The following UNC13B variants were observed in gnomAD, a reference collection of about 807,000 sequenced individuals.
UNC13B encodes protein unc-13 homolog B.
A neutral mutation model predicts 211.0 loss-of-function variants in UNC13B; 144 were observed. The observed-to-expected ratio is 0.68, with a 90% CI of 0.60 to 0.78. The LOEUF is 0.78. Among genes scored for constraint, UNC13B ranks in the 30% least tolerant of loss-of-function variants. UNC13B has a pLI of 0.00. For synonymous variants in UNC13B, 709 were observed against 725.8 expected (o/e 0.98, Z 0.37); for missense variants, 1,777 against 2,002.0 (o/e 0.89, Z 2.14).
At chr9:35,284,649 A>C (rs1828691186) in intron 7 of UNC13B, among the ~76,000 whole-genome samples, 1 of 152,136 alleles carries the variant, frequency 6.6e-6, no homozygotes, top group Non-Finnish European at 1.5e-5. Context: ...GTTTTCCTTA[A>C]TTATAGGTTC....
intron 1 of UNC13B, among the ~76,000 whole-genome samples, chr9:35,222,482 G>A (rs983191652): frequency 8.5e-5 from 13 of 152,098 alleles, no homozygotes; most frequent in African/African-American, 1.4e-4. Context: ...GCACATGTGC[G>A]CATGGGAGTC....
At chr9:35,205,630 T>A (rs768207614) in intron 1 of UNC13B, among the ~76,000 whole-genome samples, 6 of 152,236 alleles carry the variant, frequency 3.9e-5, no homozygotes, top group Non-Finnish European at 7.3e-5. Context: ...GGACATTTTA[T>A]GTGAATGGAA....
intron 15 of UNC13B, among the ~76,000 whole-genome samples, chr9:35,376,634 C>T (rs72725035): frequency 0.071 from 10,757 of 152,194 alleles, 562 homozygotes; most frequent in Non-Finnish European, 0.11. Context: ...GGGTTCCAGG[C>T]CCCACAGAGG....
intron 1 of UNC13B, among the ~76,000 whole-genome samples, chr9:35,204,650 G>C (rs1823537789): frequency 6.6e-6 from 1 of 152,148 alleles, no homozygotes; most frequent in Non-Finnish European, 1.5e-5. Flanking sequence ...GACTTGCGTG[G>C]GGCCTATGAC....
rs1160474466 is a variant in UNC13B, at chr9:35,257,580, C to CAAAAAAAAAAA, written c.469-1393_469-1383dup. On this transcript the variant is annotated intron_variant, in intron 6 of 39. Transcript: ENST00000635942. ...TGGGAGAAAGAGTGAGAATCTGTAT[C>CAAAAAAAAAAA]AAAAAAAAAAAAAAAAAAAAAAAAA... Among the ~76,000 whole-genome samples the CAAAAAAAAAAA allele has an allele frequency of 9.3e-4, 34 of 36,390 alleles. 2 individuals are homozygous for CAAAAAAAAAAA. Among genetic ancestry groups the CAAAAAAAAAAA allele is most frequent in the African/African-American group, 5.2e-3 (33 of 6,352 alleles). 23.9% of individuals were successfully genotyped at this position (36,390 alleles called of 152,430 possible). A position where few individuals can be genotyped will look rare whatever the true frequency, so the allele number is the denominator to read the frequency against.
At chr9:35,386,108 A>C in intron 23 of UNC13B, 57 bp from the exon 24 acceptor site, 5 of 1,610,004 alleles carry the variant, frequency 3.1e-6, no homozygotes, top group Non-Finnish European at 4.2e-6. Context: ...GTGCTAGGAG[A>C]ATATCCCACC....
chr9:35,190,604 T>A (rs1822603716), intron 1 of UNC13B, among the ~76,000 whole-genome samples: 1 of 151,212 alleles, frequency 6.6e-6, no homozygotes, highest in Non-Finnish European at 1.5e-5. Flanking sequence ...TCCCAAGGAG[T>A]CCCCGGCTAC....
At chr9:35,380,736 C>A in intron 18 of UNC13B, 97 bp downstream of exon 18, 1 of 1,499,012 alleles carries the variant, frequency 6.7e-7, no homozygotes, top group African/African-American at 1.4e-5. Context: ...GTCCCCAAAG[C>A]ATACCTCTAT....
intron 2 of UNC13B, among the ~76,000 whole-genome samples, chr9:35,228,506 G>A (rs1036341361): frequency 4.0e-5 from 6 of 151,858 alleles, no homozygotes; most frequent in African/African-American, 1.2e-4. Flanking sequence ...CCCACGACAG[G>A]CCCCAGTGTG....
At chr9:35,281,718 G>A (rs1041747800) in intron 7 of UNC13B, among the ~76,000 whole-genome samples, 3 of 152,122 alleles carry the variant, frequency 2.0e-5, no homozygotes, top group African/African-American at 4.8e-5. Context: ...GAATAGTTAC[G>A]CTGCCCTAAA....
At chr9:35,401,902 T>C in intron 37 of UNC13B, 1 of 1,526,194 alleles carries the variant, frequency 6.6e-7, no homozygotes. Context: ...GATTCTTCTT[T>C]CTCTGTTCTG....
chr9:35,295,728 C>G lies in UNC13B; in HGVS notation c.559C>G (p.Arg187Gly), dbSNP rs754109626. 4.6e-5 allele frequency: 74 copies of G among 1,613,958 alleles called. No homozygotes were observed. The East Asian group carries it at 1.4e-3, about 32-fold the overall frequency. Residue 187 changes from arginine (R) to glycine (G), a missense_variant, in exon 8 of 40, where the codon CGA (arginine) becomes GGA (glycine). Transcript: ENST00000635942. ...AGACCCTGATAGTGCCGTCGATGAC[C>G]GAGATAGTGACTATCGCAGTGAGAC... ...FEDPDSAVDD[R>G]DSDYRSETSN...
intron 12 of UNC13B, among the ~76,000 whole-genome samples, chr9:35,369,529 T>A (rs1221218032): frequency 6.6e-6 from 1 of 152,212 alleles, no homozygotes. Flanking sequence ...AAAAGAACAA[T>A]AAAATTAATC....
chr9:35,338,455 T>G (rs946615013), intron 11 of UNC13B, among the ~76,000 whole-genome samples: 2 of 152,214 alleles, frequency 1.3e-5, no homozygotes, highest in African/African-American at 4.8e-5. Flanking sequence ...TAGGATGGCA[T>G]GCTCCTCAGG....
At chr9:35,184,226 C>T (rs570830196) in intron 1 of UNC13B, among the ~76,000 whole-genome samples, 98 of 151,608 alleles carry the variant, frequency 6.5e-4, no homozygotes, top group Admixed American at 1.2e-3. Flanking sequence ...ACTTCCCAGA[C>T]GGGGCGGCTG....
rs371128685 is a variant in UNC13B, at chr9:35,398,892, C to T, written c.11932C>T (p.Arg3978Trp). 19 of 1,613,548 alleles carry T rather than the reference C, an allele frequency of 1.2e-5. No individual in the cohort carries two copies. The highest frequency in any genetic ancestry group is 4.4e-5 in the South Asian group (4 of 91,000). Residue 3978 changes from arginine (R) to tryptophan (W), a missense_variant, in exon 33 of 40, where the codon CGG becomes TGG. Coordinates refer to ENST00000635942, the MANE Select transcript of UNC13B (RefSeq NM_001371189.2). ...SMVFGNSFQV[R>W]IDECVRQMAD... ...CGGGCACATGTGTAGTTTCCAGGTA[C>T]GGATTGATGAGTGTGTTCGACAAAT...
At chr9:35,212,565 T>A (rs543545758) in intron 1 of UNC13B, among the ~76,000 whole-genome samples, 22 of 152,214 alleles carry the variant, frequency 1.4e-4, no homozygotes, top group Admixed American at 8.5e-4. Flanking sequence ...AGAGTGAGAC[T>A]CTGTCTCAAA....
intron 6 of UNC13B, among the ~76,000 whole-genome samples, chr9:35,246,091 C>G (rs1464126544): frequency 6.6e-6 from 1 of 152,174 alleles, no homozygotes; most frequent in African/African-American, 2.4e-5. Flanking sequence ...TTGCATTTCT[C>G]TGATGGCCAG....
intron 15 of UNC13B, among the ~76,000 whole-genome samples, chr9:35,376,472 A>G (rs77166093): frequency 0.029 from 4,469 of 152,272 alleles, 225 homozygotes; most frequent in African/African-American, 0.1. Context: ...AAATTCTTTG[A>G]GCTTTCTGTG....
Sources: allele counts gnomAD v4.1 joint callset (sites outside exome capture counted in the v4.1 genomes callset), GRCh38; gene constraint gnomAD v4.1.1; transcripts MANE v1.5; gene names NCBI Gene and HGNC (gene_info 2026-07-23, HGNC 2026-07-21).